Variants in CNOT10 observed in about 807,000 individuals in gnomAD.
The protein encoded by CNOT10 is CCR4-NOT transcription complex, subunit 10.
CNOT10 carries 30 observed loss-of-function variants against 94.6 expected under a neutral mutation model. That is an observed-to-expected ratio of 0.32 (90% CI 0.24 to 0.43). CNOT10 has a LOEUF of 0.43. Among genes scored for constraint, CNOT10 ranks in the 20% least tolerant of loss-of-function variants. The probability of loss-of-function intolerance (pLI) is 1.00; values close to 1 mark genes in which losing one functional copy is unlikely to be tolerated. For missense variants in CNOT10, 759 were observed against 877.2 expected, an observed-to-expected ratio of 0.87 and a Z score of 1.70; for synonymous variants, 289 against 301.6, an observed-to-expected ratio of 0.96 and a Z score of 0.43.
At position 32,742,139 on chromosome 3, in the gene CNOT10, A is replaced by G. The variant is rs187386312; in HGVS notation, c.1595+4649A>G. Among the ~76,000 whole-genome samples, 702 of 151,810 alleles carry G rather than the reference A, an allele frequency of 4.6e-3. 24 individuals carry two copies. The highest frequency in any genetic ancestry group is 0.043 in the Admixed American group (651 of 15,220). The stretch of plus-strand genomic sequence containing the variant: ...TCCAGCTAATTTTTGTATTTTTAGT[A>G]GAGACGGGGTTTCACCATGTTGGCC... On this transcript the variant is annotated intron_variant, in intron 13 of 18. Coordinates refer to ENST00000328834, the MANE Select transcript of CNOT10 (RefSeq NM_015442.3).
At position 32,753,714 on chromosome 3, in the gene CNOT10, G is replaced by A. The variant is rs1041840924; in HGVS notation, c.1596-5744G>A. On this transcript the variant is annotated intron_variant, in intron 13 of 18. Coordinates refer to ENST00000328834, the MANE Select transcript of CNOT10 (RefSeq NM_015442.3). ...AAGAAGAAGAAAATAATGAAAAGTTGGAGGGAGATGCAGCTTTAAACAGAT... is the reference window on the plus strand; with the variant it reads ...AAGAAGAAGAAAATAATGAAAAGTTAGAGGGAGATGCAGCTTTAAACAGAT... The A allele has an allele frequency of 1.9e-6, 3 of 1,592,552 alleles. No homozygotes were observed. In the Admixed American group the frequency reaches 5.4e-5, roughly 29 times the overall value.
chr3:32,746,869 C>G (rs1408890323), intron 13 of CNOT10, among the ~76,000 whole-genome samples: 1 of 146,728 alleles, frequency 6.8e-6, no homozygotes, highest in Non-Finnish European at 1.5e-5. Context: ...ATATGCACTC[C>G]TATGAGAATC....
intron 1 of CNOT10, among the ~76,000 whole-genome samples, chr3:32,695,036 T>C (rs1276628279): frequency 6.6e-6 from 1 of 152,270 alleles, no homozygotes; most frequent in East Asian, 1.9e-4. Context: ...GCTGATATTA[T>C]TGATTTGAAT....
intron 4 of CNOT10, 110 bp downstream of exon 4, chr3:32,708,930 A>G: frequency 2.5e-6 from 2 of 813,086 alleles, no homozygotes; most frequent in South Asian, 2.4e-5. Context: ...CAGTATTCAA[A>G]GAAAAGCCGT....
chr3:32,711,939 A>G (rs1347498671), intron 4 of CNOT10, among the ~76,000 whole-genome samples: 1 of 152,168 alleles, frequency 6.6e-6, no homozygotes, highest in Non-Finnish European at 1.5e-5. Context: ...TTTTTAAATG[A>G]ATTCCACTCT....
intron 17 of CNOT10, 60 bp downstream of exon 17, chr3:32,764,869 ATATTTTTTGTTACTTTGT>A: frequency 6.3e-7 from 1 of 1,587,386 alleles, no homozygotes; most frequent in Admixed American, 1.8e-5. Flanking sequence ...TTTGAGGTTT[ATATTTTTTGTTACTTTGT>A]TTGAAGCATC....
At chr3:32,767,413 G>A (rs540080485) in intron 17 of CNOT10, among the ~76,000 whole-genome samples, 1 of 151,810 alleles carries the variant, frequency 6.6e-6, no homozygotes, top group South Asian at 2.1e-4. Flanking sequence ...CAGATACTCG[G>A]GAGGCTGAGG....
intron 6 of CNOT10, 79 bp downstream of exon 6, chr3:32,716,390 C>G: frequency 1.5e-6 from 1 of 660,874 alleles, no homozygotes; most frequent in East Asian, 2.9e-5. Flanking sequence ...TGAGATAGAT[C>G]ATTGGAAGCA....
At position 32,721,352 on chromosome 3, in the gene CNOT10, G is replaced by A. The variant is rs554079280; in HGVS notation, c.862+1121G>A. Among the ~76,000 whole-genome samples, 9 of 148,038 alleles carry A rather than the reference G, an allele frequency of 6.1e-5. No homozygotes were observed. The South Asian group carries it at 8.6e-4, about 14-fold the overall frequency. ...GCTGGGATTACAAGTGTGAGCCACC[G>A]CACCTGGCCCTTTCATTTGTTTTTG... On this transcript the variant is annotated intron_variant, in intron 8 of 18. Transcript: ENST00000328834.
chr3:32,741,586 A>G (rs1453650073), intron 13 of CNOT10, among the ~76,000 whole-genome samples: 11 of 151,926 alleles, frequency 7.2e-5, no homozygotes, highest in Non-Finnish European at 8.8e-5. Flanking sequence ...TGGCCAACAT[A>G]GTGAAACCCT....
At chr3:32,735,212 G>C (rs773048170) in intron 12 of CNOT10, among the ~76,000 whole-genome samples, 1 of 152,106 alleles carries the variant, frequency 6.6e-6, no homozygotes, top group African/African-American at 2.4e-5. Flanking sequence ...AGCTTTGGCC[G>C]GACGCAGTGG....
At chr3:32,741,983 A>AT (rs199786090) in intron 13 of CNOT10, among the ~76,000 whole-genome samples, 2 of 143,408 alleles carry the variant, frequency 1.4e-5, no homozygotes, top group African/African-American at 5.0e-5. Context: ...ATTTTATTTT[A>AT]TTTTATTTTT....
chr3:32,703,686 T>G (rs533308010), intron 1 of CNOT10, 182 bp from the exon 2 acceptor site: 1 of 525,796 alleles, frequency 1.9e-6, no homozygotes, highest in African/African-American at 1.9e-5. Context: ...GGCAAGAGAT[T>G]TCATCATGTT....
At chr3:32,754,489 A>ATGT (rs1553637887) in intron 13 of CNOT10, among the ~76,000 whole-genome samples, 1 of 70,214 alleles carries the variant, frequency 1.4e-5, no homozygotes, top group Non-Finnish European at 2.2e-5. Flanking sequence ...AAAAAAAAAA[A>ATGT]ATACATATAT....
Position 32,733,416 on chromosome 3 carries a change from T to G in CNOT10, c.1216-7T>G. 2 of 1,559,648 alleles carry G rather than the reference T, an allele frequency of 1.3e-6. No individual in the cohort carries two copies. The highest frequency in any genetic ancestry group is 1.7e-6 in the Non-Finnish European group (2 of 1,150,330). On this transcript the variant is annotated splice_polypyrimidine_tract_variant and splice_region_variant and intron_variant, in intron 10 of 18. Transcript: ENST00000328834. ...TAAATTTATTGGAAATTATTTGTAT[T>G]TTGTAGACTTCTGAACAAGAAACTA...
chr3:32,710,071 C>T (rs997218369), intron 4 of CNOT10, among the ~76,000 whole-genome samples: 4 of 150,136 alleles, frequency 2.7e-5, no homozygotes, highest in African/African-American at 4.9e-5. Context: ...CACTTGAACC[C>T]GAGAGGCCGA....
rs1698257729 is a variant in CNOT10 at position 32,719,140 on chromosome 3, TGAG to T, written c.745-969_745-967del. 4.6e-5 allele frequency among the ~76,000 whole-genome samples: 7 copies of T among 152,242 alleles called. No individual in the cohort carries two copies. The South Asian group carries it at 1.5e-3, about 32-fold the overall frequency. On this transcript the variant is annotated intron_variant, in intron 7 of 18. Transcript: ENST00000328834. ...GGCATGCGCCTGTAATCCCAGCCAC[TGAG>T]GAGGCTGAGGCAGGAGAATTGCTTG...
In CNOT10 at chr3:32,754,487, A is replaced by ATATATATAT. The variant is rs1296898874; in HGVS notation, c.1596-4971_1596-4970insTATATATAT. Among the ~76,000 whole-genome samples, 30 of 62,718 alleles carry ATATATATAT rather than the reference A, an allele frequency of 4.8e-4. 2 individuals are homozygous for ATATATATAT. Among genetic ancestry groups the ATATATATAT allele is most frequent in the Admixed American group, 1.7e-3 (7 of 4,238 alleles). 41.1% of individuals were successfully genotyped at this position (62,718 alleles called of 152,430 possible). On this transcript the variant is annotated intron_variant, in intron 13 of 18. Transcript: ENST00000328834. ...GCAAGACTCCGTCTCAAAAAAAAAA[A>ATATATATAT]AAATACATATATATATATATATTTA...
At chr3:32,728,545 G>A (rs1016805637) in intron 10 of CNOT10, among the ~76,000 whole-genome samples, 4 of 152,082 alleles carry the variant, frequency 2.6e-5, no homozygotes, top group Non-Finnish European at 5.9e-5. Context: ...CCTGGGAGGT[G>A]GAGGTTGGAG....
Sources: allele counts gnomAD v4.1 joint callset (sites outside exome capture counted in the v4.1 genomes callset), GRCh38; gene constraint gnomAD v4.1.1; transcripts MANE v1.5; gene names NCBI Gene and HGNC (gene_info 2026-07-23, HGNC 2026-07-21).